NFATC2: variants seen among roughly 807,000 people sequenced by gnomAD.
NFATC2 encodes the protein nuclear factor of activated T-cells, cytoplasmic 2.
Under a neutral mutation model 87.3 loss-of-function variants are expected in NFATC2, and 22 were observed. The observed-to-expected ratio is 0.25, with a 90% CI of 0.18 to 0.36. NFATC2 has a LOEUF of 0.36. Ranked by LOEUF, NFATC2 falls within the 10% of genes least tolerant of loss-of-function variation. The probability of loss-of-function intolerance (pLI) is 1.00; values close to 1 mark genes in which losing one functional copy is unlikely to be tolerated. For missense variants in NFATC2, 1,149 were observed against 1,259.1 expected (o/e 0.91, Z 1.32); for synonymous variants, 565 against 542.2 (o/e 1.04, Z -0.58).
chr20:51,398,573 A>T (rs1987586449), intron 10 of NFATC2, 70 bp downstream of exon 10: 3 of 993,838 alleles, frequency 3.0e-6, no homozygotes, highest in Non-Finnish European at 4.1e-6. Context: ...CTTTACTTAA[A>T]AAAAAAAAAA....
intron 3 of NFATC2, among the ~76,000 whole-genome samples, chr20:51,510,741 CCTCCCAAGT>C (rs2076260237): frequency 6.6e-6 from 1 of 152,206 alleles, no homozygotes; most frequent in Admixed American, 6.5e-5. Context: ...CTTGCCTCAG[CCTCCCAAGT>C]AGCTGGGATT....
intron 1 of NFATC2, among the ~76,000 whole-genome samples, chr20:51,539,082 G>C (rs761870649): frequency 8.5e-5 from 13 of 152,118 alleles, no homozygotes; most frequent in Non-Finnish European, 1.6e-4. Context: ...GGTGATAATA[G>C]TGCCTGCCTC....
intron 3 of NFATC2, among the ~76,000 whole-genome samples, chr20:51,491,852 A>AC (rs2075890675): frequency 8.4e-6 from 1 of 118,420 alleles, no homozygotes. Flanking sequence ...GAACAGCCCC[A>AC]CCCCCACCAA....
At chr20:51,507,966 C>G (rs2076212469) in intron 3 of NFATC2, among the ~76,000 whole-genome samples, 1 of 152,208 alleles carries the variant, frequency 6.6e-6, no homozygotes, top group African/African-American at 2.4e-5. Context: ...TTATGCCACC[C>G]TGCCCAGCAC....
Position 51,473,575 on chromosome 20 carries a change from G to C in NFATC2, c.1708+405C>G, listed in dbSNP as rs533793858. Among the ~76,000 whole-genome samples, 45 of 152,314 alleles carry C rather than the reference G, an allele frequency of 3.0e-4. 2 individuals carry two copies. In the South Asian group the frequency reaches 9.1e-3, roughly 31 times the overall value. On this transcript the variant is annotated intron_variant, in intron 5 of 10. Coordinates refer to ENST00000371564, the MANE Select transcript of NFATC2 (RefSeq NM_012340.5). The stretch of plus-strand genomic sequence containing the variant: ...AGCAGAGTCAAAGCTCAATGAGTGA[G>C]AGCTGCTGTGGTTTGTTATTGTTAT...
intron 10 of NFATC2, among the ~76,000 whole-genome samples, chr20:51,398,410 C>G (rs750049606): frequency 6.6e-6 from 1 of 152,188 alleles, no homozygotes; most frequent in Non-Finnish European, 1.5e-5. Flanking sequence ...GGGGAGCATG[C>G]AAGTTAATGG....
At chr20:51,425,886 T>C (rs1180174560) in intron 9 of NFATC2, among the ~76,000 whole-genome samples, 1 of 152,154 alleles carries the variant, frequency 6.6e-6, no homozygotes, top group Non-Finnish European at 1.5e-5. Context: ...CCTGGGCCAC[T>C]GGTCCACACT....
At chr20:51,533,671 G>A (rs1490153667) in intron 1 of NFATC2, among the ~76,000 whole-genome samples, 1 of 151,332 alleles carries the variant, frequency 6.6e-6, no homozygotes, top group African/African-American at 2.4e-5. Context: ...GGGGCTGAAA[G>A]AAGGACTCAG....
chr20:51,421,509 A>T (rs1430959905), intron 9 of NFATC2, among the ~76,000 whole-genome samples: 2 of 152,234 alleles, frequency 1.3e-5, no homozygotes, highest in African/African-American at 2.4e-5. Flanking sequence ...AAGTGTGAAG[A>T]TAAATAACAA....
At chr20:51,394,520 C>T (rs1428383234) in intron 10 of NFATC2, among the ~76,000 whole-genome samples, 1 of 152,100 alleles carries the variant, frequency 6.6e-6, no homozygotes, top group East Asian at 1.9e-4. Flanking sequence ...TTGGCAAAGC[C>T]CCCCTTGGTG....
At chr20:51,436,325 GA>G (rs909777032) in intron 6 of NFATC2, among the ~76,000 whole-genome samples, 6 of 147,832 alleles carry the variant, frequency 4.1e-5, no homozygotes, top group African/African-American at 1.5e-4. Context: ...CAGAAAATAA[GA>G]AAAAAAATAG....
intron 1 of NFATC2, among the ~76,000 whole-genome samples, chr20:51,558,001 C>CT (rs2076992564): frequency 6.6e-6 from 1 of 152,158 alleles, no homozygotes; most frequent in African/African-American, 2.4e-5. Flanking sequence ...CCCATCCAGG[C>CT]TGGGCAGTCA....
chr20:51,465,722 C>T (rs1443130113), intron 5 of NFATC2, among the ~76,000 whole-genome samples: 2 of 152,014 alleles, frequency 1.3e-5, no homozygotes, highest in East Asian at 3.9e-4. Flanking sequence ...TGTTGCTGTT[C>T]CCGCACTCCC....
At chr20:51,494,536 A>G (rs1267116532) in intron 3 of NFATC2, among the ~76,000 whole-genome samples, 1 of 152,160 alleles carries the variant, frequency 6.6e-6, no homozygotes, top group Non-Finnish European at 1.5e-5. Flanking sequence ...CTTTGTGCAC[A>G]GAGTCAGCAT....
At position 51,429,750 on chromosome 20, in the gene NFATC2, C is replaced by T. The variant is rs1982417096; in HGVS notation, c.2722+2317G>A. On this transcript the variant is annotated intron_variant, in intron 9 of 10. Coordinates refer to ENST00000371564, the MANE Select transcript of NFATC2 (RefSeq NM_012340.5). The stretch of plus-strand genomic sequence containing the variant: ...ATTAAACAAAAGCAAAAACAAAAAA[C>T]TTGGTTTAACCTAGTTTTTTCATCT... Among the ~76,000 whole-genome samples the T allele has an allele frequency of 6.6e-5, 10 of 152,324 alleles. No homozygotes were observed. The South Asian group carries it at 2.1e-3, about 32-fold the overall frequency.
intron 3 of NFATC2, among the ~76,000 whole-genome samples, chr20:51,487,801 C>A (rs553593549): frequency 1.8e-3 from 252 of 143,730 alleles, no homozygotes; most frequent in Middle Eastern, 3.4e-3. Context: ...TCACTTTTGC[C>A]ACAAGGGGGA....
At position 51,388,869 on chromosome 20, in the gene NFATC2, A is replaced by AC; in HGVS notation, c.*2626dup. On this transcript the variant is annotated 3_prime_UTR_variant, in exon 11 of 11. Transcript: ENST00000371564. ...ACACACCCATCTTTACCATTTAGAC[A>AC]CCCCTACTTTCTCATTCTCTTAGAG... is the stretch of plus-strand genomic sequence containing the variant. 2 of 152,050 alleles carry AC rather than the reference A, an allele frequency of 1.3e-5. No individual in the cohort carries two copies. Among genetic ancestry groups the AC allele is most frequent in the South Asian group, 4.2e-4 (2 of 4,814 alleles). 9.4% of individuals were successfully genotyped at this position (152,050 alleles called of 1,614,324 possible).
chr20:51,469,204 A>G (rs888301014), intron 5 of NFATC2, among the ~76,000 whole-genome samples: 11 of 152,062 alleles, frequency 7.2e-5, no homozygotes, highest in Non-Finnish European at 2.9e-5. Flanking sequence ...TTTTGTAGAG[A>G]TGGGTTTTCA....
At chr20:51,418,360 T>C (rs1980335350) in intron 9 of NFATC2, among the ~76,000 whole-genome samples, 1 of 152,206 alleles carries the variant, frequency 6.6e-6, no homozygotes, top group Non-Finnish European at 1.5e-5. Flanking sequence ...TCTGCAGACA[T>C]TTCTGATGGC....
Sources: gnomAD v4.1 joint callset for allele counts (sites outside exome capture counted in the v4.1 genomes callset) on GRCh38, gnomAD v4.1.1 for gene constraint, MANE v1.5 for transcripts, NCBI Gene and HGNC (gene_info 2026-07-23, HGNC 2026-07-21) for gene names.